The following PDE4B variants were observed in gnomAD, a reference collection of about 807,000 sequenced individuals.
The protein encoded by PDE4B is phosphodiesterase 4B.
In PDE4B, 20 loss-of-function variants were observed where a neutral mutation model predicts 82.2. The observed-to-expected ratio is 0.24, with a 90% confidence interval of 0.17 to 0.35. The LOEUF (loss-of-function observed/expected upper bound fraction) is 0.35, where lower values mean the gene tolerates loss of function less well. Ranked by LOEUF, PDE4B falls within the 10% of genes least tolerant of loss-of-function variation. The probability of loss-of-function intolerance (pLI) is 1.00; values close to 1 mark genes in which losing one functional copy is unlikely to be tolerated. For missense variants in PDE4B, 655 were observed against 907.2 expected, an observed-to-expected ratio of 0.72 and a Z score of 3.57; for synonymous variants, 320 against 318.9, an observed-to-expected ratio of 1.00 and a Z score of -0.04.
At chr1:66,017,958 A>G (rs1238679909) in intron 3 of PDE4B, among the ~76,000 whole-genome samples, 2 of 152,144 alleles carry the variant, frequency 1.3e-5, no homozygotes, top group African/African-American at 2.4e-5. Flanking sequence ...ACATTTTGAA[A>G]CCACTTACAG....
chr1:65,901,370 A>G (rs952538217), intron 1 of PDE4B, among the ~76,000 whole-genome samples: 2 of 152,002 alleles, frequency 1.3e-5, no homozygotes, highest in African/African-American at 4.8e-5. Context: ...TTTGTTGAAG[A>G]TTTTTGCATA....
intron 6 of PDE4B, among the ~76,000 whole-genome samples, 180 bp downstream of exon 6, chr1:66,258,043 T>A (rs1321174): frequency 0.21 from 32,093 of 152,088 alleles, 6,984 homozygotes; most frequent in African/African-American, 0.54. Flanking sequence ...TACAACACTA[T>A]AAGTAACCTA....
intron 3 of PDE4B, among the ~76,000 whole-genome samples, chr1:66,107,869 A>G (rs1645401352): frequency 6.6e-6 from 1 of 152,014 alleles, no homozygotes; most frequent in South Asian, 2.1e-4. Flanking sequence ...AGTATATGTC[A>G]ATATAAAACA....
At chr1:66,342,548 T>TAAAAAAA (rs374881888) in intron 8 of PDE4B, among the ~76,000 whole-genome samples, 1 of 96,536 alleles carries the variant, frequency 1.0e-5, no homozygotes, top group Admixed American at 1.1e-4. Context: ...TGTCTCTAAT[T>TAAAAAAA]AAAAAAAAAA....
At chr1:66,091,698 A>G (rs78475528) in intron 3 of PDE4B, among the ~76,000 whole-genome samples, 9,463 of 152,104 alleles carry the variant, frequency 0.062, 417 homozygotes, top group South Asian at 0.17. Context: ...AAGAGTAGGA[A>G]CCAATAATAC....
chr1:66,168,061 A>G (rs1646770852), intron 3 of PDE4B, among the ~76,000 whole-genome samples: 1 of 152,130 alleles, frequency 6.6e-6, no homozygotes, highest in Non-Finnish European at 1.5e-5. Flanking sequence ...CCAAAATATT[A>G]TTTTCATGAA....
rs571970360 is a variant in PDE4B at position 66,001,558 on chromosome 1, T to G, written c.281+82723T>G. On this transcript the variant is annotated intron_variant, in intron 3 of 16. Transcript: ENST00000341517. ...ACAACTTGTTTATCTGTTCACCAAC[T>G]GGATCAAAATTTGGATTTCCAGTCT... Among the ~76,000 whole-genome samples, 5 of 152,298 alleles carry G rather than the reference T, an allele frequency of 3.3e-5. No individual in the cohort carries two copies. In the South Asian group the frequency reaches 1.0e-3, roughly 32 times the overall value.
intron 1 of PDE4B, among the ~76,000 whole-genome samples, chr1:65,872,582 T>G (rs1646585967): frequency 6.6e-6 from 1 of 152,302 alleles, no homozygotes; most frequent in African/African-American, 2.4e-5. Flanking sequence ...TAATGTCTAG[T>G]GAAGCAGAGG....
intron 8 of PDE4B, chr1:66,355,220 T>G: frequency 2.8e-6 from 1 of 356,182 alleles, no homozygotes; most frequent in Non-Finnish European, 5.0e-6. Flanking sequence ...CAGACAAATG[T>G]ATTTTTAAAA....
intron 7 of PDE4B, among the ~76,000 whole-genome samples, chr1:66,298,373 A>G (rs1165959660): frequency 1.3e-5 from 2 of 152,180 alleles, no homozygotes. Context: ...ATGGGGACCT[A>G]GTAGACCACA....
intron 3 of PDE4B, among the ~76,000 whole-genome samples, chr1:66,001,582 C>A (rs918495194): frequency 1.3e-5 from 2 of 152,020 alleles, no homozygotes; most frequent in African/African-American, 4.8e-5. Flanking sequence ...GATTTCCAGT[C>A]TTTTGGCTAT....
At chr1:65,977,817 C>T (rs1569868725) in intron 3 of PDE4B, among the ~76,000 whole-genome samples, 1 of 152,212 alleles carries the variant, frequency 6.6e-6, no homozygotes, top group South Asian at 2.1e-4. Context: ...GAGAAGTGCA[C>T]AAATGGTAAT....
chr1:66,056,520 CTATCTATCTATCATCT>C (rs1396461275), intron 3 of PDE4B, among the ~76,000 whole-genome samples: 2,780 of 78,650 alleles, frequency 0.035, 48 homozygotes, highest in Middle Eastern at 0.11. Flanking sequence ...ATCTATCTAT[CTATCTATCTATCATCT>C]ATCTATCTAT....
intron 1 of PDE4B, among the ~76,000 whole-genome samples, chr1:65,844,270 GAGAA>G (rs1218084461): frequency 4.6e-5 from 7 of 152,168 alleles, no homozygotes; most frequent in African/African-American, 1.4e-4. Flanking sequence ...TAACAAAATT[GAGAA>G]AGAAAGTATT....
chr1:65,984,687 G>A (rs1404181535), intron 3 of PDE4B, among the ~76,000 whole-genome samples: 2 of 152,068 alleles, frequency 1.3e-5, no homozygotes, highest in African/African-American at 4.8e-5. Flanking sequence ...CCTGAGAGGT[G>A]GAGGTTGCAG....
intron 3 of PDE4B, among the ~76,000 whole-genome samples, chr1:66,052,839 G>C (rs1201023297): frequency 6.6e-6 from 1 of 152,076 alleles, no homozygotes; most frequent in Non-Finnish European, 1.5e-5. Flanking sequence ...TGTTACCCAG[G>C]TTTCCTCTGA....
At chr1:65,959,077 C>T (rs6696494) in intron 3 of PDE4B, among the ~76,000 whole-genome samples, 3,993 of 152,234 alleles carry the variant, frequency 0.026, 172 homozygotes, top group African/African-American at 0.091. Flanking sequence ...AGGCTAACAC[C>T]GCTGTGCCTT....
intron 3 of PDE4B, among the ~76,000 whole-genome samples, chr1:66,073,760 C>A: frequency 6.6e-6 from 1 of 152,070 alleles, no homozygotes; most frequent in East Asian, 1.9e-4. Flanking sequence ...TCTCTGGCAC[C>A]CCTGTGGACC....
intron 8 of PDE4B, among the ~76,000 whole-genome samples, chr1:66,350,663 G>A (rs896870076): frequency 5.9e-5 from 9 of 152,058 alleles, no homozygotes; most frequent in Admixed American, 2.6e-4. Flanking sequence ...AAGAGCCTGC[G>A]ATCATTCCAG....
Sources: allele counts gnomAD v4.1 joint callset (sites outside exome capture counted in the v4.1 genomes callset), GRCh38; gene constraint gnomAD v4.1.1; transcripts MANE v1.5; gene names NCBI Gene and HGNC (gene_info 2026-07-23, HGNC 2026-07-21).